Variants in RGS6 observed in about 807,000 individuals in gnomAD.
RGS6 encodes regulator of G-protein signaling 6.
A neutral mutation model predicts 78.5 loss-of-function variants in RGS6; 30 were observed. The ratio of observed to expected loss-of-function variants is 0.38; its 90% CI spans 0.29 to 0.52. RGS6 has a LOEUF of 0.52. Among genes scored for constraint, RGS6 ranks in the 20% least tolerant of loss-of-function variants. The pLI, the probability that RGS6 is intolerant of heterozygous loss-of-function variation, is 0.85. For missense variants in RGS6, 495 were observed against 609.7 expected, an observed-to-expected ratio of 0.81 and a Z score of 1.98; for synonymous variants, 206 against 206.0, an observed-to-expected ratio of 1.00 and a Z score of 0.00.
chr14:71,946,327 A>C (rs553618380), intron 1 of RGS6, among the ~76,000 whole-genome samples: 1 of 152,110 alleles, frequency 6.6e-6, no homozygotes, highest in Non-Finnish European at 1.5e-5. Context: ...GTGTACCTGG[A>C]AACAATCTCT....
intron 2 of RGS6, among the ~76,000 whole-genome samples, chr14:72,037,687 CAGTT>C (rs145754894): frequency 0.081 from 12,320 of 152,234 alleles, 547 homozygotes; most frequent in East Asian, 0.17. Flanking sequence ...ATCAAAAACT[CAGTT>C]GGTAAAACTG....
Position 72,547,373 on chromosome 14 carries a change from A to ACCC in RGS6, c.1422+7286_1422+7288dup, listed in dbSNP as rs34941449. On this transcript the variant is annotated intron_variant, in intron 17 of 17. Transcript: ENST00000553525. Reference sequence around the variant, plus strand: ...AGGACTTCAAAGGCTAAGAAGTAAGACCCCCCCCCGACCCATGGAAGTCCC... The same window carrying ACCC: ...AGGACTTCAAAGGCTAAGAAGTAAGACCCCCCCCCCCCGACCCATGGAAGTCCC... The ACCC allele has an allele frequency of 5.4e-4, 640 of 1,193,980 alleles. 1 individual carries two copies. In the African/African-American group the frequency reaches 9.6e-3, roughly 18 times the overall value. The allele number at this position is 1,193,980 out of a possible 1,614,324, so 74.0% of individuals were successfully genotyped here.
chr14:72,163,765 C>T (rs925825972), intron 2 of RGS6, among the ~76,000 whole-genome samples: 5 of 151,860 alleles, frequency 3.3e-5, no homozygotes, highest in South Asian at 4.2e-4. Context: ...CACCTGTAAT[C>T]GCAACTACTC....
At chr14:72,598,373 A>G in the RGS6 span, among the ~76,000 whole-genome samples, 50 of 152,374 alleles carry the variant, frequency 3.3e-4, no homozygotes, top group African/African-American at 1.2e-3. Flanking sequence ...TTTCTCATTG[A>G]GAGACCAAAA....
chr14:72,194,529 C>T (rs1037767966), intron 2 of RGS6, among the ~76,000 whole-genome samples: 3 of 152,168 alleles, frequency 2.0e-5, no homozygotes, highest in Admixed American at 6.5e-5. Flanking sequence ...TGCCACCACA[C>T]CTGGCTAGTT....
chr14:72,368,787 A>G (rs1250174889), intron 3 of RGS6, among the ~76,000 whole-genome samples: 1 of 152,246 alleles, frequency 6.6e-6, no homozygotes, highest in Non-Finnish European at 1.5e-5. Flanking sequence ...GCCTCAAAAT[A>G]GAGATAATTT....
the RGS6 span, among the ~76,000 whole-genome samples, chr14:71,906,407 G>A: frequency 7.6e-4 from 115 of 152,292 alleles, no homozygotes; most frequent in African/African-American, 2.5e-3. Context: ...TCAGGGGAAC[G>A]GGGCAGACTG....
At chr14:72,092,512 G>A (rs1279404378) in intron 2 of RGS6, among the ~76,000 whole-genome samples, 1 of 152,028 alleles carries the variant, frequency 6.6e-6, no homozygotes, top group Non-Finnish European at 1.5e-5. Flanking sequence ...CTCCCAAGTA[G>A]CTGGAATTAC....
chr14:72,512,417 G>A lies in RGS6; in HGVS notation c.1091+2138G>A, dbSNP rs933808407. Among the ~76,000 whole-genome samples the A allele has an allele frequency of 2.0e-5, 3 of 152,196 alleles. 1 individual carries two copies. The highest frequency in any genetic ancestry group is 4.4e-5 in the Non-Finnish European group (3 of 68,030). On this transcript the variant is annotated intron_variant, in intron 14 of 17. Coordinates refer to ENST00000553525, the MANE Select transcript of RGS6 (RefSeq NM_001204424.2). ...TAAAGCCCAGAGTGCACCAAGGAGT[G>A]TGTCCCTGGCAGGTGTTCAGTGCTT...
At chr14:72,355,214 A>G (rs1596189565) in intron 3 of RGS6, among the ~76,000 whole-genome samples, 4 of 145,014 alleles carry the variant, frequency 2.8e-5, no homozygotes, top group Admixed American at 2.1e-4. Context: ...TTTTTTTTAG[A>G]CAGAGTCTTG....
rs559130147 is a variant in RGS6 at position 72,379,788 on chromosome 14, A to G, written c.184+27594A>G. ...ATTCAATGCAATCTCTACCAAAATAATGATATTCTTCACAGAAATAGAAAG... is the reference window on the plus strand; with the variant it reads ...ATTCAATGCAATCTCTACCAAAATAGTGATATTCTTCACAGAAATAGAAAG... On this transcript the variant is annotated intron_variant, in intron 3 of 17. Transcript: ENST00000553525. Among the ~76,000 whole-genome samples, 25 of 152,146 alleles carry G rather than the reference A, an allele frequency of 1.6e-4. 3 individuals carry two copies. The highest frequency in any genetic ancestry group is 5.8e-4 in the African/African-American group (24 of 41,556).
rs528479288 is a variant in RGS6 at position 72,507,717 on chromosome 14, A to G, written c.966-2437A>G. On this transcript the variant is annotated intron_variant, in intron 13 of 17. Transcript: ENST00000553525. Reference sequence around the variant, plus strand: ...GGGGTGACACTGGTGGTGGGTGTGCATCCATGAGGCAGTCACTACAAAGTC... The same window carrying G: ...GGGGTGACACTGGTGGTGGGTGTGCGTCCATGAGGCAGTCACTACAAAGTC... 2.0e-5 allele frequency among the ~76,000 whole-genome samples: 3 copies of G among 152,306 alleles called. No individual in the cohort carries two copies. The South Asian group carries it at 6.2e-4, about 32-fold the overall frequency.
At chr14:72,480,184 G>A (rs918296256) in intron 12 of RGS6, among the ~76,000 whole-genome samples, 3 of 152,156 alleles carry the variant, frequency 2.0e-5, no homozygotes, top group Middle Eastern at 3.2e-3. Flanking sequence ...TTCAGGATCC[G>A]GTGAAGCCAT....
Position 72,275,150 on chromosome 14 carries a change from A to T in RGS6, c.85-76945A>T, listed in dbSNP as rs538299981. 4.6e-5 allele frequency among the ~76,000 whole-genome samples: 7 copies of T among 152,350 alleles called. No homozygotes were observed. In the South Asian group the frequency reaches 1.4e-3, roughly 32 times the overall value. On this transcript the variant is annotated intron_variant, in intron 2 of 17. Transcript: ENST00000553525. ...TTTACAAAGTGCTCATTTGTCTTGTATGATAGTTATATATGGAAGGTAGCA... is the reference window on the plus strand; with the variant it reads ...TTTACAAAGTGCTCATTTGTCTTGTTTGATAGTTATATATGGAAGGTAGCA...
chr14:72,339,245 A>G lies in RGS6; in HGVS notation c.85-12850A>G, dbSNP rs1047210873. On this transcript the variant is annotated intron_variant, in intron 2 of 17. Coordinates refer to ENST00000553525, the MANE Select transcript of RGS6 (RefSeq NM_001204424.2). ...ACCTCCATGAATGAGATTAGATTTG[A>G]GGAAGCCTGTTTGGCTCTGCTGGCT... Among the ~76,000 whole-genome samples, 22 of 152,258 alleles carry G rather than the reference A, an allele frequency of 1.4e-4. No individual in the cohort carries two copies. The East Asian group carries it at 3.9e-3, about 27-fold the overall frequency.
chr14:71,941,392 G>T (rs140629985), intron 1 of RGS6, among the ~76,000 whole-genome samples: 169 of 152,260 alleles, frequency 1.1e-3, no homozygotes, highest in African/African-American at 3.9e-3. Flanking sequence ...ACCAACGAAA[G>T]AACTCCATTC....
intron 2 of RGS6, among the ~76,000 whole-genome samples, chr14:72,050,853 G>T (rs2093188841): frequency 6.6e-6 from 1 of 152,204 alleles, no homozygotes; most frequent in South Asian, 2.1e-4. Context: ...CAGGACTTGA[G>T]TATGCCTGGA....
At chr14:72,514,150 G>C (rs554704918) in intron 14 of RGS6, 74 of 152,280 alleles carry the variant, frequency 4.9e-4, no homozygotes, top group Non-Finnish European at 8.2e-4. Context: ...GCTGGGGGTG[G>C]TTACTAACGT....
chr14:72,427,918 C>T (rs575584019), intron 3 of RGS6, among the ~76,000 whole-genome samples: 14 of 152,222 alleles, frequency 9.2e-5, no homozygotes, highest in Admixed American at 2.6e-4. Context: ...GGAGGAATGT[C>T]GTGAAGGGCA....
Sources: gnomAD v4.1 joint callset for allele counts (sites outside exome capture counted in the v4.1 genomes callset) on GRCh38, gnomAD v4.1.1 for gene constraint, MANE v1.5 for transcripts, NCBI Gene and HGNC (gene_info 2026-07-23, HGNC 2026-07-21) for gene names.